The following MED24 variants were observed in gnomAD, a reference collection of about 807,000 sequenced individuals.
MED24 encodes the protein mediator of RNA polymerase II transcription subunit 24.
MED24 carries 74 observed loss-of-function variants against 118.8 expected under a neutral mutation model. The ratio of observed to expected loss-of-function variants is 0.62; its 90% confidence interval spans 0.52 to 0.76. The LOEUF is 0.76. Ranked by LOEUF, MED24 falls within the 30% of genes least tolerant of loss-of-function variation. The pLI is 0.00. For missense variants in MED24, 1,041 were observed against 1,278.9 expected (o/e 0.81, Z 2.84); for synonymous variants, 521 against 523.9 (o/e 0.99, Z 0.08).
intron 3 of MED24, among the ~76,000 whole-genome samples, chr17:40,049,645 G>C (rs1054917772): frequency 6.6e-6 from 1 of 151,992 alleles, no homozygotes; most frequent in African/African-American, 2.4e-5. Context: ...TCCTGCCTCA[G>C]CCTCCCAAGT....
intron 3 of MED24, among the ~76,000 whole-genome samples, chr17:40,048,542 A>G (rs1271787239): frequency 6.6e-6 from 1 of 152,058 alleles, no homozygotes; most frequent in Non-Finnish European, 1.5e-5. Flanking sequence ...CAAAGAGACC[A>G]GTTAATTTTA....
In MED24 at chr17:40,031,627, A is replaced by G. The variant is rs528439533; in HGVS notation, c.985-7T>C. On this transcript the variant is annotated splice_region_variant and splice_polypyrimidine_tract_variant and intron_variant, in intron 10 of 25. Transcript: ENST00000394128. ...TGACATCCTCAGTGAAGTCCTAGAA[A>G]GAGGCAGAAGTGTCCATCTGGTTTC... 4 of 1,613,310 alleles carry G rather than the reference A, an allele frequency of 2.5e-6. No homozygotes were observed. The highest frequency in any genetic ancestry group is 2.2e-5 in the East Asian group (1 of 44,880).
At chr17:40,025,598 G>C (rs2144875675) in intron 19 of MED24, among the ~76,000 whole-genome samples, 1 of 152,304 alleles carries the variant, frequency 6.6e-6, no homozygotes, top group East Asian at 1.9e-4. Context: ...AAGTTCTGGA[G>C]ACCTGTTACA....
intron 19 of MED24, chr17:40,023,669 T>C: frequency 2.6e-6 from 1 of 391,962 alleles, no homozygotes. Context: ...GATATTCACA[T>C]TTTCTTTTAT....
chr17:40,043,890 C>CAAAAAAAAAAACAAAAA (rs1555668258), intron 3 of MED24, among the ~76,000 whole-genome samples: 2 of 97,460 alleles, frequency 2.1e-5, no homozygotes, highest in Non-Finnish European at 4.3e-5. Flanking sequence ...GACTCCATCT[C>CAAAAAAAAAAACAAAAA]AAAAAAAAAA....
chr17:40,049,423 A>C (rs2144993148), intron 3 of MED24, among the ~76,000 whole-genome samples: 1 of 152,322 alleles, frequency 6.6e-6, no homozygotes, highest in South Asian at 2.1e-4. Flanking sequence ...GCCTTCCTTG[A>C]TTGTTCACAC....
At chr17:40,044,665 A>G (rs1245699313) in intron 3 of MED24, among the ~76,000 whole-genome samples, 1 of 151,988 alleles carries the variant, frequency 6.6e-6, no homozygotes, top group African/African-American at 2.4e-5. Flanking sequence ...GCGGATCACG[A>G]GGTCAGGAGA....
chr17:40,047,981 CG>C (rs1985431138), intron 3 of MED24, among the ~76,000 whole-genome samples: 2 of 152,220 alleles, frequency 1.3e-5, no homozygotes, highest in Non-Finnish European at 2.9e-5. Flanking sequence ...ACACTCGCCT[CG>C]GCCTCCCAAA....
At chr17:40,024,316 C>T (rs1357986142) in intron 19 of MED24, among the ~76,000 whole-genome samples, 1 of 152,064 alleles carries the variant, frequency 6.6e-6, no homozygotes, top group Admixed American at 6.6e-5. Context: ...GGAAGATCAC[C>T]TGAAATCAGG....
intron 3 of MED24, among the ~76,000 whole-genome samples, chr17:40,043,562 A>G (rs1050006098): frequency 6.6e-6 from 1 of 151,766 alleles, no homozygotes; most frequent in African/African-American, 2.4e-5. Flanking sequence ...CCCTTACTGG[A>G]CTTTTGTCTT....
In MED24 at chr17:40,026,690, A is replaced by G. The variant is rs781553190; in HGVS notation, c.1766T>C (p.Leu589Pro). 1.2e-6 allele frequency: 2 copies of G among 1,612,408 alleles called. No individual in the cohort carries two copies. Among genetic ancestry groups the G allele is most frequent in the South Asian group, 2.2e-5 (2 of 90,602 alleles). The change falls in exon 18 of 26, where the codon CTC (leucine) becomes CCC (proline). Residue 589 changes from leucine to proline, a missense_variant. Transcript: ENST00000394128. ...LSISAAILEI[L>P]NAWENGVLAF... ...CAGGACCCCATTCTCCCAGGCATTG[A>G]GGATTTCCAAGATGGCGGCTGAGAT...
Position 40,035,248 on chromosome 17 carries a change from C to T in MED24, c.428G>A (p.Arg143Gln), listed in dbSNP as rs760004163. The stretch of plus-strand genomic sequence containing the variant: ...TGGAGTGCCGGCCTCCAGCCCCTCC[C>T]GCAGCCGCTCTGCAGAGGCTGCCGT... ...RCTAASAERL[R>Q]EGLEAGTPAA... The change falls in exon 6 of 26, where the codon CGG becomes CAG. Residue 143 changes from arginine (R) to glutamine (Q), a missense_variant. By Grantham distance (43) the Arg-to-Gln change is conservative. Around this residue, in one of 3 missense-constraint regions of MED24, gnomAD observed 434 missense variants for 514.9 expected, o/e 0.84. Transcript: ENST00000394128. 15 of 1,613,842 alleles carry T rather than the reference C, an allele frequency of 9.3e-6. No homozygotes were observed. Among genetic ancestry groups the T allele is most frequent in the African/African-American group, 1.3e-5 (1 of 74,930 alleles).
At chr17:40,053,239 C>T (rs1475244243) in intron 3 of MED24, 59 bp downstream of exon 3, 11 of 1,492,456 alleles carry the variant, frequency 7.4e-6, no homozygotes, top group Non-Finnish European at 1.0e-5. Context: ...CCCAAATGCA[C>T]TCCAAGTTTT....
rs753118650 is a variant in MED24 at position 40,033,201 on chromosome 17, G to A, written c.677C>T (p.Pro226Leu). Reference sequence around the variant, plus strand: ...CTCCGCATGCACAGACAGCATCGTGGGGATGCTGAGGGGTCACAAACACAG... The same window carrying A: ...CTCCGCATGCACAGACAGCATCGTGAGGATGCTGAGGGGTCACAAACACAG... ...EQCGTLIRSI[P>L]TMLSVHAEQM... The change falls in exon 8 of 26, where the codon CCC becomes CTC. Residue 226 changes from proline to leucine, a missense_variant. Physicochemically the swap from Pro to Leu is moderately conservative, Grantham distance 98. Around this residue, in one of 3 missense-constraint regions of MED24, gnomAD observed 434 missense variants for 514.9 expected, o/e 0.84. Coordinates refer to ENST00000394128, the MANE Select transcript of MED24 (RefSeq NM_014815.4). The surrounding 1 kb of genome is among the most constrained non-coding windows in gnomAD (Gnocchi z 5.2). The A allele has an allele frequency of 4.8e-5, 78 of 1,613,898 alleles. 1 individual carries two copies. Among genetic ancestry groups the A allele is most frequent in the Non-Finnish European group, 6.6e-5 (78 of 1,180,036 alleles).
intron 3 of MED24, among the ~76,000 whole-genome samples, chr17:40,052,012 T>C (rs1038769409): frequency 1.3e-5 from 2 of 151,276 alleles, no homozygotes; most frequent in African/African-American, 2.4e-5. Flanking sequence ...GGTAGGTAGA[T>C]GGCCAGGCAC....
rs769844479 is a variant in MED24, at chr17:40,023,408, C to T, written c.1986-13G>A. ...CATGATCACCACCCTGGGGGAGGGCCGAGAGAACCTGAGGCTCAGGTGCCA... is the reference window on the plus strand; with the variant it reads ...CATGATCACCACCCTGGGGGAGGGCTGAGAGAACCTGAGGCTCAGGTGCCA... On this transcript the variant is annotated splice_polypyrimidine_tract_variant and intron_variant, in intron 19 of 25. Coordinates refer to ENST00000394128, the MANE Select transcript of MED24 (RefSeq NM_014815.4). The T allele has an allele frequency of 5.1e-6, 8 of 1,571,120 alleles. No homozygotes were observed. In the African/African-American group the frequency reaches 6.7e-5, roughly 13 times the overall value.
intron 11 of MED24, 95 bp downstream of exon 11, chr17:40,031,443 G>A: frequency 7.3e-7 from 1 of 1,372,962 alleles, no homozygotes. Context: ...AGTGAACAAG[G>A]AGACAGAGTC....
intron 24 of MED24, 99 bp from the exon 25 acceptor site, chr17:40,020,032 A>T: frequency 7.1e-7 from 1 of 1,404,224 alleles, no homozygotes; most frequent in Non-Finnish European, 9.8e-7. Flanking sequence ...AAAGAAACAC[A>T]TGCTGAGCAT....
chr17:40,048,100 C>T (rs1985445998), intron 3 of MED24, among the ~76,000 whole-genome samples: 1 of 152,230 alleles, frequency 6.6e-6, no homozygotes, highest in South Asian at 2.1e-4. Context: ...TCATGTGACG[C>T]CTCCACTTAA....
Sources: gnomAD v4.1 joint callset for allele counts (sites outside exome capture counted in the v4.1 genomes callset) on GRCh38, gnomAD v4.1.1 for gene constraint, gnomAD v4.1.1 regional missense constraint, Gnocchi (gnomAD v3.1) non-coding constraint, MANE v1.5 for transcripts, NCBI Gene and HGNC (gene_info 2026-07-23, HGNC 2026-07-21) for gene names.